ZBTB7C: variants seen among roughly 807,000 people sequenced by gnomAD.
ZBTB7C encodes the protein zinc finger and BTB domain-containing protein 7C.
Under a neutral mutation model 25.7 loss-of-function variants are expected in ZBTB7C, and 8 were observed. The ratio of observed to expected loss-of-function variants is 0.31; its 90% CI spans 0.18 to 0.56. The LOEUF (loss-of-function observed/expected upper bound fraction) is 0.56. Ranked by LOEUF, ZBTB7C falls within the 20% of genes least tolerant of loss-of-function variation. The probability of loss-of-function intolerance (pLI) is 0.91; values close to 1 mark genes in which losing one functional copy is unlikely to be tolerated. For synonymous variants in ZBTB7C, 394 were observed against 369.0 expected (o/e 1.07, Z -0.78); for missense variants, 824 against 855.2 (o/e 0.96, Z 0.46).
chr18:48,194,387 C>A (rs140266533), intron 2 of ZBTB7C, among the ~76,000 whole-genome samples: 1 of 152,078 alleles, frequency 6.6e-6, no homozygotes, highest in African/African-American at 2.4e-5. Flanking sequence ...GGTGATATTG[C>A]GGGGGTTGTC....
intron 1 of ZBTB7C, among the ~76,000 whole-genome samples, chr18:48,402,292 G>A (rs2048178205): frequency 6.6e-6 from 1 of 151,954 alleles, no homozygotes; most frequent in African/African-American, 2.4e-5. Flanking sequence ...TTACTTAATG[G>A]GGACTGATTC....
At chr18:48,383,950 G>A (rs75723688) in intron 1 of ZBTB7C, among the ~76,000 whole-genome samples, 5,501 of 152,302 alleles carry the variant, frequency 0.036, 356 homozygotes, top group African/African-American at 0.13. Context: ...TCCTGGGGAC[G>A]AAATAACTTT....
Position 48,040,472 on chromosome 18 carries a change from C to A in ZBTB7C, c.636G>T (p.Gln212His). 2 of 1,609,386 alleles carry A rather than the reference C, an allele frequency of 1.2e-6. No individual in the cohort carries two copies. Among genetic ancestry groups the A allele is most frequent in the Non-Finnish European group, 1.7e-6 (2 of 1,177,432 alleles). The change falls in exon 4 of 5, where the codon CAG becomes CAT. Residue 212 changes from glutamine (Q) to histidine (H), a missense_variant. Physicochemically the swap from Gln to His is conservative, Grantham distance 24. Around this residue, in one of 4 missense-constraint regions of ZBTB7C, gnomAD observed 316 missense variants for 299.2 expected, o/e 1.06. Transcript: ENST00000590800. ...DTPRDFPDSFQAGSPGHLGVI... is the reference protein window; with the variant it reads ...DTPRDFPDSFHAGSPGHLGVI... ...CCCCCAGATGGCCAGGACTGCCAGCCTGGAAGGAGTCAGGGAAGTCCCTGG... is the reference window on the plus strand; with the variant it reads ...CCCCCAGATGGCCAGGACTGCCAGCATGGAAGGAGTCAGGGAAGTCCCTGG...
intron 1 of ZBTB7C, among the ~76,000 whole-genome samples, chr18:48,369,032 A>G (rs1039749897): frequency 2.6e-5 from 4 of 152,224 alleles, no homozygotes; most frequent in Admixed American, 2.0e-4. Flanking sequence ...GGCAAACACA[A>G]TAGACTTTCT....
intron 1 of ZBTB7C, among the ~76,000 whole-genome samples, chr18:48,393,458 C>T (rs1342244855): frequency 2.6e-5 from 4 of 152,112 alleles, no homozygotes; most frequent in Non-Finnish European, 5.9e-5. Context: ...TAAAGTCAGT[C>T]ACTGAATTGT....
In ZBTB7C at chr18:48,220,127, C is replaced by A. The variant is rs1397235943; in HGVS notation, c.-78-34132G>T. 5.3e-5 allele frequency among the ~76,000 whole-genome samples: 8 copies of A among 151,330 alleles called. No homozygotes were observed. In the East Asian group the frequency reaches 1.4e-3, roughly 26 times the overall value. Reference sequence around the variant, plus strand: ...CTGCTCTGGGACCAGAGATCCCAGGCCCCAAGTTCACACACTCAGAAACTT... The same window carrying A: ...CTGCTCTGGGACCAGAGATCCCAGGACCCAAGTTCACACACTCAGAAACTT... On this transcript the variant is annotated intron_variant, in intron 2 of 4. Transcript: ENST00000590800.
At chr18:48,075,991 C>T (rs767386381) in intron 3 of ZBTB7C, among the ~76,000 whole-genome samples, 1 of 152,214 alleles carries the variant, frequency 6.6e-6, no homozygotes, top group Non-Finnish European at 1.5e-5. Context: ...AATGTTTGTT[C>T]CCTCACTCCA....
At chr18:48,143,148 G>A (rs1381815655) in intron 3 of ZBTB7C, among the ~76,000 whole-genome samples, 1 of 152,050 alleles carries the variant, frequency 6.6e-6, no homozygotes, top group East Asian at 1.9e-4. Flanking sequence ...CACCCTCAGG[G>A]GCCAGGAGCA....
rs113365818 is a variant in ZBTB7C, at chr18:48,098,297, G to C, written c.-16-57174C>G. ...TGGACCAGGTCACTGTATGGGGATG[G>C]ATCCAGCATTCTTGGTGTCTTCCTA... On this transcript the variant is annotated intron_variant, in intron 3 of 4. Coordinates refer to ENST00000590800, the MANE Select transcript of ZBTB7C (RefSeq NM_001318841.2). Among the ~76,000 whole-genome samples, 933 of 152,322 alleles carry C rather than the reference G, an allele frequency of 6.1e-3. 9 individuals are homozygous for C. The highest frequency in any genetic ancestry group is 0.021 in the African/African-American group (877 of 41,566).
intron 3 of ZBTB7C, chr18:48,169,803 C>A (rs913955672): frequency 6.6e-6 from 1 of 152,206 alleles, no homozygotes; most frequent in Non-Finnish European, 1.5e-5. Context: ...GACTGCTTCA[C>A]GAATTTGCGT....
chr18:48,164,695 C>T (rs558992937), intron 3 of ZBTB7C, among the ~76,000 whole-genome samples: 2 of 152,202 alleles, frequency 1.3e-5, no homozygotes, highest in African/African-American at 4.8e-5. Flanking sequence ...GAATGGGCCT[C>T]CCTGCCTTCT....
intron 1 of ZBTB7C, among the ~76,000 whole-genome samples, chr18:48,406,800 G>T (rs533467901): frequency 6.6e-6 from 1 of 152,286 alleles, no homozygotes; most frequent in Admixed American, 6.5e-5. Context: ...ATTGCATCCA[G>T]CTTATTTTCA....
chr18:48,326,095 CTTTTTTTT>C (rs34725749), intron 2 of ZBTB7C, among the ~76,000 whole-genome samples: 3 of 126,178 alleles, frequency 2.4e-5, no homozygotes, highest in African/African-American at 8.8e-5. Flanking sequence ...CTACCAACAT[CTTTTTTTT>C]TTTTTTTTTT....
At chr18:48,169,658 A>C (rs2041397499) in intron 3 of ZBTB7C, 1 of 152,306 alleles carries the variant, frequency 6.6e-6, no homozygotes, top group Non-Finnish European at 1.5e-5. Flanking sequence ...TGAGGAGAAA[A>C]CACAGCCAAG....
chr18:48,338,979 A>G (rs565864892), intron 1 of ZBTB7C, among the ~76,000 whole-genome samples: 6 of 151,722 alleles, frequency 4.0e-5, no homozygotes, highest in Admixed American at 3.3e-4. Context: ...ATAGTTCGTC[A>G]TCTCAGAGTG....
At chr18:48,125,494 T>C (rs1187196373) in intron 3 of ZBTB7C, among the ~76,000 whole-genome samples, 2 of 152,214 alleles carry the variant, frequency 1.3e-5, no homozygotes, top group Non-Finnish European at 2.9e-5. Context: ...TGGACAGCCC[T>C]CTGTGCCATG....
chr18:48,030,858 G>A (rs1013916283), intron 4 of ZBTB7C, among the ~76,000 whole-genome samples: 26 of 152,282 alleles, frequency 1.7e-4, no homozygotes, highest in Admixed American at 1.7e-3. Flanking sequence ...CTGATATCAG[G>A]GGGTTGTTTT....
At chr18:48,388,117 G>C (rs1261064088) in intron 1 of ZBTB7C, among the ~76,000 whole-genome samples, 1 of 152,124 alleles carries the variant, frequency 6.6e-6, no homozygotes, top group Non-Finnish European at 1.5e-5. Flanking sequence ...GTTAGCCACT[G>C]CACCTGGCCT....
chr18:48,043,254 T>C (rs2036331668), intron 3 of ZBTB7C, among the ~76,000 whole-genome samples: 1 of 152,136 alleles, frequency 6.6e-6, no homozygotes, highest in African/African-American at 2.4e-5. Context: ...CCCAGAGAAA[T>C]GAAATCTTAT....
Sources: gnomAD v4.1 joint callset for allele counts (sites outside exome capture counted in the v4.1 genomes callset) on GRCh38, gnomAD v4.1.1 for gene constraint, gnomAD v4.1.1 regional missense constraint, MANE v1.5 for transcripts, NCBI Gene and HGNC (gene_info 2026-07-23, HGNC 2026-07-21) for gene names.